PCDHA11: variants seen among roughly 807,000 people sequenced by gnomAD.
The protein encoded by PCDHA11 is protocadherin alpha-11.
A neutral mutation model predicts 70.3 loss-of-function variants in PCDHA11; 61 were observed. The ratio of observed to expected loss-of-function variants is 0.87; its 90% CI spans 0.71 to 1.07. The LOEUF is 1.07. Among genes scored for constraint, PCDHA11 ranks in the 50% least tolerant of loss-of-function variants. The pLI is 0.00. For missense variants in PCDHA11, 1,324 were observed against 1,237.5 expected (o/e 1.07, Z -1.05); for synonymous variants, 633 against 555.1 (o/e 1.14, Z -1.97).
chr5:140,901,466 C>T (rs782517412), intron 1 of PCDHA11, among the ~76,000 whole-genome samples: 3 of 152,062 alleles, frequency 2.0e-5, no homozygotes, highest in Admixed American at 6.5e-5. Flanking sequence ...TGTCTTTTCT[C>T]GAGTTTATGT....
intron 1 of PCDHA11, among the ~76,000 whole-genome samples, chr5:140,976,091 C>CAACTTTTCAA (rs2096700073): frequency 6.6e-6 from 1 of 152,166 alleles, no homozygotes; most frequent in Non-Finnish European, 1.5e-5. Flanking sequence ...TATCAGTAGT[C>CAACTTTTCAA]AACTTTTCAA....
intron 1 of PCDHA11, among the ~76,000 whole-genome samples, chr5:140,937,469 T>C (rs1322050073): frequency 6.6e-6 from 1 of 152,210 alleles, no homozygotes; most frequent in Non-Finnish European, 1.5e-5. Flanking sequence ...ATACAAAAAT[T>C]AGCTGGACAT....
intron 1 of PCDHA11, among the ~76,000 whole-genome samples, chr5:140,908,630 CA>C (rs2074062492): frequency 6.6e-6 from 1 of 152,126 alleles, no homozygotes; most frequent in East Asian, 1.9e-4. Flanking sequence ...TTGAGGTCTC[CA>C]CTGTGATTCA....
intron 1 of PCDHA11, chr5:140,877,085 G>T: frequency 6.2e-7 from 1 of 1,613,214 alleles, no homozygotes; most frequent in Non-Finnish European, 8.5e-7. Context: ...GTGAGCGCGC[G>T]CGACGCCGGC....
chr5:140,938,443 A>C (rs1324427427), intron 1 of PCDHA11, among the ~76,000 whole-genome samples: 1 of 152,180 alleles, frequency 6.6e-6, no homozygotes, highest in African/African-American at 2.4e-5. Context: ...AGATTTATTA[A>C]GTTCCCTTTG....
chr5:140,876,342 A>C, intron 1 of PCDHA11: 1 of 1,614,042 alleles, frequency 6.2e-7, no homozygotes, highest in Non-Finnish European at 8.5e-7. Flanking sequence ...TGAGTGAGAA[A>C]TGTATGTTTT....
intron 1 of PCDHA11, among the ~76,000 whole-genome samples, chr5:140,931,907 G>T (rs573618162): frequency 6.6e-6 from 1 of 151,782 alleles, no homozygotes; most frequent in Non-Finnish European, 1.5e-5. Flanking sequence ...CATTTGAAAA[G>T]CATGACATTT....
intron 1 of PCDHA11, among the ~76,000 whole-genome samples, chr5:140,887,101 C>CTT (rs200717289): frequency 4.1e-5 from 6 of 145,304 alleles, no homozygotes; most frequent in African/African-American, 1.0e-4. Context: ...ATCTTTATCT[C>CTT]TTTTTTTTTT....
chr5:140,875,356 G>A (rs2055432006), intron 1 of PCDHA11: 4 of 1,446,352 alleles, frequency 2.8e-6, no homozygotes, highest in East Asian at 2.5e-5. Context: ...TGACTGTGAT[G>A]CTGGAAAAAA....
chr5:140,999,132 T>C (rs1430473415), intron 3 of PCDHA11, among the ~76,000 whole-genome samples: 2 of 152,160 alleles, frequency 1.3e-5, no homozygotes, highest in Non-Finnish European at 2.9e-5. Flanking sequence ...CTGGAAAATG[T>C]CACAGCCGGA....
intron 3 of PCDHA11, among the ~76,000 whole-genome samples, chr5:141,007,994 T>G (rs1339008337): frequency 5.9e-5 from 9 of 152,262 alleles, no homozygotes. Flanking sequence ...GAAATGTACA[T>G]GTTAATAAAC....
intron 1 of PCDHA11, among the ~76,000 whole-genome samples, chr5:140,914,423 G>T (rs1293093692): frequency 3.3e-5 from 5 of 152,086 alleles, no homozygotes; most frequent in African/African-American, 1.2e-4. Context: ...CCATTAGCAA[G>T]GAATATCTTT....
chr5:140,927,366 A>G (rs782348018), intron 1 of PCDHA11: 29 of 1,614,088 alleles, frequency 1.8e-5, no homozygotes, highest in Admixed American at 1.7e-4. Context: ...GCAATGGGAT[A>G]CTAAGCTACA....
chr5:140,990,838 A>C (rs2097419271), intron 3 of PCDHA11, among the ~76,000 whole-genome samples: 1 of 152,222 alleles, frequency 6.6e-6, no homozygotes, highest in Admixed American at 6.5e-5. Flanking sequence ...CCTATTAGCA[A>C]AAATAGAGCC....
intron 1 of PCDHA11, chr5:140,928,951 G>C (rs2032668535): frequency 6.2e-7 from 1 of 1,614,028 alleles, no homozygotes; most frequent in Non-Finnish European, 8.5e-7. Flanking sequence ...TTTAGTAATT[G>C]CCTTGGCTTG....
intron 1 of PCDHA11, among the ~76,000 whole-genome samples, chr5:140,921,909 CATG>C (rs1554200522): frequency 6.6e-6 from 1 of 151,678 alleles, no homozygotes; most frequent in Non-Finnish European, 1.5e-5. Context: ...ATATATATTA[CATG>C]ATAAAACTTA....
chr5:140,913,569 A>G (rs1554195984), intron 1 of PCDHA11, among the ~76,000 whole-genome samples: 1 of 151,952 alleles, frequency 6.6e-6, no homozygotes, highest in Non-Finnish European at 1.5e-5. Flanking sequence ...TATTTTCATC[A>G]TTTCAAATAT....
At chr5:140,922,841 A>G (rs982832745) in intron 1 of PCDHA11, among the ~76,000 whole-genome samples, 67 of 152,372 alleles carry the variant, frequency 4.4e-4, no homozygotes, top group African/African-American at 1.5e-3. Flanking sequence ...GATGTCCTCA[A>G]AGAGACCAAA....
At chr5:140,966,756 G>A (rs1476318654) in intron 1 of PCDHA11, 9 of 1,437,232 alleles carry the variant, frequency 6.3e-6, no homozygotes, top group Non-Finnish European at 8.2e-6. Flanking sequence ...CCTCCGCCGC[G>A]GCCAGTGGCT....
Sources: gnomAD v4.1 joint callset for allele counts (sites outside exome capture counted in the v4.1 genomes callset) on GRCh38, gnomAD v4.1.1 for gene constraint, MANE v1.5 for transcripts, NCBI Gene and HGNC (gene_info 2026-07-23, HGNC 2026-07-21) for gene names.